Variants in DOCK7 observed in about 807,000 individuals in gnomAD.
DOCK7 encodes the protein dedicator of cytokinesis 7.
In DOCK7, 138 loss-of-function variants were observed where a neutral mutation model predicts 271.0. The observed-to-expected ratio is 0.51, with a 90% CI of 0.44 to 0.59. DOCK7 has a LOEUF of 0.59. Ranked by LOEUF, DOCK7 falls within the 20% of genes least tolerant of loss-of-function variation. The pLI is 0.00. For missense variants in DOCK7, 2,066 were observed against 2,592.4 expected, an observed-to-expected ratio of 0.80 and a Z score of 4.41; for synonymous variants, 823 against 876.1, an observed-to-expected ratio of 0.94 and a Z score of 1.07.
At chr1:62,664,261 C>A (rs1374220306) in intron 1 of DOCK7, among the ~76,000 whole-genome samples, 1 of 152,162 alleles carries the variant, frequency 6.6e-6, no homozygotes, top group Non-Finnish European at 1.5e-5. Context: ...TTATAGCTCC[C>A]ATAATTCCCA....
intron 34 of DOCK7, among the ~76,000 whole-genome samples, 200 bp downstream of exon 34, chr1:62,510,376 GC>G (rs1455309820): frequency 6.6e-6 from 1 of 152,030 alleles, no homozygotes; most frequent in Non-Finnish European, 1.5e-5. Context: ...ATAATATTTT[GC>G]CTTACTATAC....
rs186407026 is a variant in DOCK7, at chr1:62,553,276, G to A, written c.2597-375C>T. 3.0e-3 allele frequency among the ~76,000 whole-genome samples: 411 copies of A among 136,368 alleles called. 5 individuals are homozygous for A. Among genetic ancestry groups the A allele is most frequent in the African/African-American group, 0.01 (370 of 36,480 alleles). 89.5% of individuals were successfully genotyped at this position (136,368 alleles called of 152,430 possible). The stretch of plus-strand genomic sequence containing the variant: ...TCTCAATCTCTTGACCTTGCGATCC[G>A]CCTGAAGAGGCAGGGTCTTCTAAAT... On this transcript the variant is annotated intron_variant, in intron 21 of 49. Transcript: ENST00000635253.
chr1:62,576,289 T>A (rs1646939172), intron 18 of DOCK7, among the ~76,000 whole-genome samples: 1 of 152,188 alleles, frequency 6.6e-6, no homozygotes, highest in Admixed American at 6.5e-5. Flanking sequence ...TTTAGAATAA[T>A]CATAGATGAC....
chr1:62,489,166 G>GCGTC, intron 41 of DOCK7, 101 bp from the exon 42 acceptor site: 3 of 1,171,676 alleles, frequency 2.6e-6, no homozygotes, highest in South Asian at 1.7e-5. Flanking sequence ...ATAATACACT[G>GCGTC]AGGCCAGACG....
At chr1:62,622,726 C>T (rs887083090) in intron 12 of DOCK7, among the ~76,000 whole-genome samples, 2 of 152,068 alleles carry the variant, frequency 1.3e-5, no homozygotes, top group Non-Finnish European at 2.9e-5. Flanking sequence ...GTTAGGAGAT[C>T]GAGACCATCT....
intron 14 of DOCK7, chr1:62,604,104 C>T: frequency 6.2e-7 from 1 of 1,613,272 alleles, no homozygotes; most frequent in Non-Finnish European, 8.5e-7. Flanking sequence ...AATCACGAAA[C>T]CAACTATACG....
At chr1:62,616,760 C>A (rs1182269219) in intron 14 of DOCK7, among the ~76,000 whole-genome samples, 1 of 151,520 alleles carries the variant, frequency 6.6e-6, no homozygotes, top group Admixed American at 6.6e-5. Context: ...TATGTCAACA[C>A]GAAATTTCAG....
intron 39 of DOCK7, 47 bp from the exon 40 acceptor site, chr1:62,494,514 T>C (rs767232821): frequency 6.5e-7 from 1 of 1,545,358 alleles, no homozygotes; most frequent in Non-Finnish European, 8.8e-7. Context: ...CTTCCCAAGC[T>C]GGGAGGGAGT....
At chr1:62,459,029 G>C (rs757002205) in intron 48 of DOCK7, 33 of 152,188 alleles carry the variant, frequency 2.2e-4, no homozygotes, top group South Asian at 6.2e-4. Context: ...GGCTAAAACT[G>C]AAGAGTTAAG....
chr1:62,536,281 G>C (rs942989660), intron 28 of DOCK7, among the ~76,000 whole-genome samples: 8 of 152,094 alleles, frequency 5.3e-5, no homozygotes, highest in African/African-American at 1.9e-4. Flanking sequence ...TTTCAAAAAA[G>C]AGTGATGTCT....
At chr1:62,537,643 G>A (rs1483770322) in intron 28 of DOCK7, among the ~76,000 whole-genome samples, 1 of 150,738 alleles carries the variant, frequency 6.6e-6, no homozygotes. Context: ...TTCAAAACCT[G>A]GCTCTGCCAC....
At chr1:62,570,757 C>T (rs1646745066) in intron 18 of DOCK7, among the ~76,000 whole-genome samples, 1 of 152,106 alleles carries the variant, frequency 6.6e-6, no homozygotes, top group Non-Finnish European at 1.5e-5. Context: ...GACCAAACAC[C>T]TACAACCATC....
In DOCK7 at chr1:62,597,789, C is replaced by T. The variant is rs768313034; in HGVS notation, c.1683-11165G>A. 10 of 1,613,368 alleles carry T rather than the reference C, an allele frequency of 6.2e-6. No homozygotes were observed. The African/African-American group carries it at 1.3e-4, about 22-fold the overall frequency. On this transcript the variant is annotated intron_variant, in intron 14 of 49. Transcript: ENST00000635253. Reference sequence around the variant, plus strand: ...CCAAATTAATGACATATTTCAAAAACTCAACATATTTGATCAGTCTTTTTA... The same window carrying T: ...CCAAATTAATGACATATTTCAAAAATTCAACATATTTGATCAGTCTTTTTA...
At chr1:62,632,103 C>G (rs1388410267) in intron 10 of DOCK7, among the ~76,000 whole-genome samples, 1 of 152,156 alleles carries the variant, frequency 6.6e-6, no homozygotes, top group East Asian at 1.9e-4. Flanking sequence ...CTACCTCTCT[C>G]ATATACTCTT....
At chr1:62,549,979 C>T (rs1268735903) in intron 22 of DOCK7, among the ~76,000 whole-genome samples, 1 of 152,208 alleles carries the variant, frequency 6.6e-6, no homozygotes, top group East Asian at 1.9e-4. Flanking sequence ...CCACTTCCAT[C>T]CTTGTTGCAA....
intron 8 of DOCK7, among the ~76,000 whole-genome samples, chr1:62,636,168 C>T (rs558626522): frequency 1.3e-5 from 2 of 152,088 alleles, no homozygotes; most frequent in Admixed American, 6.5e-5. Context: ...AGGAAAATGG[C>T]GTGAACCTGG....
chr1:62,566,966 T>C (rs185269491), intron 18 of DOCK7, among the ~76,000 whole-genome samples: 1 of 152,146 alleles, frequency 6.6e-6, no homozygotes, highest in East Asian at 1.9e-4. Flanking sequence ...CACTGATCAA[T>C]AGAGAAATGC....
chr1:62,464,208 T>G (rs1224385734), intron 48 of DOCK7, among the ~76,000 whole-genome samples: 1 of 151,688 alleles, frequency 6.6e-6, no homozygotes, highest in African/African-American at 2.4e-5. Context: ...TACAGGCACA[T>G]GCCACCATGC....
intron 2 of DOCK7, among the ~76,000 whole-genome samples, chr1:62,654,693 G>C (rs1657782417): frequency 1.3e-5 from 2 of 152,154 alleles, no homozygotes; most frequent in African/African-American, 4.8e-5. Context: ...AAATAAAACA[G>C]TCTTTGCAGA....
Sources: gnomAD v4.1 joint callset for allele counts (sites outside exome capture counted in the v4.1 genomes callset) on GRCh38, gnomAD v4.1.1 for gene constraint, MANE v1.5 for transcripts, NCBI Gene and HGNC (gene_info 2026-07-23, HGNC 2026-07-21) for gene names.